MICAL2: variants seen among roughly 807,000 people sequenced by gnomAD.
The protein encoded by MICAL2 is [F-actin]-monooxygenase MICAL2.
In MICAL2, 77 loss-of-function variants were observed where a neutral mutation model predicts 127.3. The observed-to-expected ratio is 0.60, with a 90% CI of 0.50 to 0.73. The LOEUF (loss-of-function observed/expected upper bound fraction) is 0.73. Among genes scored for constraint, MICAL2 ranks in the 30% least tolerant of loss-of-function variants. MICAL2 has a pLI of 0.00. For missense variants in MICAL2, 1,351 were observed against 1,434.4 expected, an observed-to-expected ratio of 0.94 and a Z score of 0.94; for synonymous variants, 570 against 551.1, an observed-to-expected ratio of 1.03 and a Z score of -0.48.
chr11:12,261,416 C>T, intron 26 of MICAL2: 2 of 985,468 alleles, frequency 2.0e-6, no homozygotes, highest in Non-Finnish European at 2.4e-6. Flanking sequence ...GCAGGTCCAC[C>T]TGTGTTCTTA....
chr11:12,341,020 A>T (rs111948174), intron 32 of MICAL2, among the ~76,000 whole-genome samples: 41 of 152,326 alleles, frequency 2.7e-4, no homozygotes, highest in Non-Finnish European at 5.6e-4. Flanking sequence ...GATTATCATC[A>T]TTCTGTGTAA....
intron 15 of MICAL2, among the ~76,000 whole-genome samples, chr11:12,233,653 C>T (rs957949987): frequency 1.3e-5 from 2 of 152,122 alleles, no homozygotes; most frequent in African/African-American, 4.8e-5. Flanking sequence ...TATATAGACT[C>T]TTTCAAATCA....
intron 2 of MICAL2, among the ~76,000 whole-genome samples, chr11:12,147,210 A>C (rs1853023940): frequency 8.7e-6 from 1 of 115,248 alleles, no homozygotes; most frequent in Non-Finnish European, 2.0e-5. Flanking sequence ...AAAGTATAAT[A>C]ATAATAAAAA....
At chr11:12,185,158 T>G (rs1858039371) in intron 3 of MICAL2, among the ~76,000 whole-genome samples, 1 of 41,716 alleles carries the variant, frequency 2.4e-5, no homozygotes, top group Non-Finnish European at 4.5e-5. Flanking sequence ...GGTGGGTGTG[T>G]GGATGAATGG....
At chr11:12,249,073 C>CTAA in intron 21 of MICAL2, 111 bp from the exon 22 acceptor site, 2 of 1,406,244 alleles carry the variant, frequency 1.4e-6, no homozygotes, top group Non-Finnish European at 2.0e-6. Flanking sequence ...ATGTCCTAAC[C>CTAA]TATGCAAAAT....
At chr11:12,324,821 C>G (rs1057273344) in intron 31 of MICAL2, among the ~76,000 whole-genome samples, 1 of 152,208 alleles carries the variant, frequency 6.6e-6, no homozygotes, top group South Asian at 2.1e-4. Flanking sequence ...TACCCTTCCC[C>G]GTGGCTGACT....
At chr11:12,216,882 T>C (rs535146735) in intron 8 of MICAL2, among the ~76,000 whole-genome samples, 2 of 152,204 alleles carry the variant, frequency 1.3e-5, no homozygotes, top group Non-Finnish European at 2.9e-5. Context: ...AAAGGGTTCT[T>C]GGAAGGAGCA....
chr11:12,255,949 C>A, intron 23 of MICAL2, 199 bp downstream of exon 23: 1 of 521,674 alleles, frequency 1.9e-6, no homozygotes, highest in Non-Finnish European at 3.4e-6. Flanking sequence ...TCACTCAGGT[C>A]CCCTGTGGTC....
chr11:12,320,583 C>T (rs532162432), intron 30 of MICAL2, among the ~76,000 whole-genome samples: 65 of 152,130 alleles, frequency 4.3e-4, no homozygotes, highest in African/African-American at 1.4e-3. Flanking sequence ...AAATGCTTCC[C>T]GGGTAGAAAG....
Position 12,226,049 on chromosome 11 carries a change from CT to C in MICAL2, c.1689-121del, listed in dbSNP as rs1857398694. The C allele has an allele frequency of 5.5e-6, 5 of 914,794 alleles. No individual in the cohort carries two copies. In the South Asian group the frequency reaches 7.5e-5, roughly 14 times the overall value. 56.7% of individuals were successfully genotyped at this position (914,794 alleles called of 1,614,324 possible). On this transcript the variant is annotated intron_variant, in intron 13 of 27. Transcript: ENST00000683283. ...AGGGGCTGGGGTCACTATTCCTCCC[CT>C]GTAACCTGCCGACACCTGGCAGAGT...
downstream of MICAL2, chr11:12,294,857 G>A: frequency 6.7e-7 from 1 of 1,487,620 alleles, no homozygotes; most frequent in Non-Finnish European, 8.8e-7. Flanking sequence ...GGGAGGTGCA[G>A]GTAAGTGGCT....
At chr11:12,259,146 G>T (rs1484320256) in intron 25 of MICAL2, among the ~76,000 whole-genome samples, 1 of 151,956 alleles carries the variant, frequency 6.6e-6, no homozygotes, top group Non-Finnish European at 1.5e-5. Context: ...GTAAAAACAT[G>T]GGAAGGAAAG....
intron 2 of MICAL2, among the ~76,000 whole-genome samples, chr11:12,151,092 C>T (rs1853528842): frequency 6.6e-6 from 1 of 152,150 alleles, no homozygotes; most frequent in South Asian, 2.1e-4. Flanking sequence ...ATCACATTGG[C>T]TTCCAGGGAC....
chr11:12,357,230 G>A (rs1025372750), intron 34 of MICAL2, among the ~76,000 whole-genome samples: 2 of 152,148 alleles, frequency 1.3e-5, no homozygotes, highest in Non-Finnish European at 2.9e-5. Flanking sequence ...AGACACAGGG[G>A]CTCTAGGAAT....
chr11:12,351,619 T>A (rs1022259344), intron 33 of MICAL2, among the ~76,000 whole-genome samples: 1 of 152,116 alleles, frequency 6.6e-6, no homozygotes, highest in Non-Finnish European at 1.5e-5. Context: ...TGAGTTGAGC[T>A]CACGTAGTCT....
At chr11:12,311,923 C>G (rs1201246985) in intron 29 of MICAL2, among the ~76,000 whole-genome samples, 1 of 151,970 alleles carries the variant, frequency 6.6e-6, no homozygotes, top group Non-Finnish European at 1.5e-5. Context: ...TAATAGAGAA[C>G]TAATCACATT....
chr11:12,165,513 C>T (rs759837573), intron 3 of MICAL2, among the ~76,000 whole-genome samples: 2 of 152,236 alleles, frequency 1.3e-5, no homozygotes, highest in African/African-American at 2.4e-5. Context: ...TTGTCAGGTA[C>T]CAGGCATAAA....
intron 7 of MICAL2, 104 bp from the exon 8 acceptor site, chr11:12,216,115 T>A (rs1368701812): frequency 2.4e-6 from 2 of 826,360 alleles, no homozygotes; most frequent in Non-Finnish European, 4.1e-6. Context: ...ACATGAATAT[T>A]CTGCAGATAA....
Position 12,240,934 on chromosome 11 carries a change from GT to G in MICAL2, c.2215-105del, listed in dbSNP as rs1859835883. On this transcript the variant is annotated intron_variant, in intron 17 of 27. Transcript: ENST00000683283. Reference sequence around the variant, plus strand: ...TGCTTCCTCTGCACTTGCAACCTTCGTCTCCCTGCTCCTCTTCTCTTCTCCC... The same window carrying G: ...TGCTTCCTCTGCACTTGCAACCTTCGCTCCCTGCTCCTCTTCTCTTCTCCC... 3 of 1,433,826 alleles carry G rather than the reference GT, an allele frequency of 2.1e-6. No individual in the cohort carries two copies. The African/African-American group carries it at 4.3e-5, about 20-fold the overall frequency. The allele number at this position is 1,433,826 out of a possible 1,614,324, so 88.8% of individuals were successfully genotyped here. A position where few individuals can be genotyped will look rare whatever the true frequency, so the allele number is the denominator to read the frequency against.
Sources: gnomAD v4.1 joint callset for allele counts (sites outside exome capture counted in the v4.1 genomes callset) on GRCh38, gnomAD v4.1.1 for gene constraint, MANE v1.5 for transcripts, NCBI Gene and HGNC (gene_info 2026-07-23, HGNC 2026-07-21) for gene names.